Variants in SASH1 observed in about 807,000 individuals in gnomAD.
SASH1 encodes the protein SAM and SH3 domain containing 1.
In SASH1, 44 loss-of-function variants were observed where a neutral mutation model predicts 125.2. The observed-to-expected ratio is 0.35, with a 90% CI of 0.28 to 0.45. The LOEUF is 0.45. SASH1 is among the 20% of genes least tolerant of loss of function. The pLI, the probability that SASH1 is intolerant of heterozygous loss-of-function variation, is 1.00. For missense variants in SASH1, 1,426 were observed against 1,614.5 expected (o/e 0.88, Z 2.00); for synonymous variants, 639 against 649.1 (o/e 0.98, Z 0.24).
Position 148,358,056 on chromosome 6 carries a change from G to A in SASH1, c.156+14833G>A, listed in dbSNP as rs556022324. Among the ~76,000 whole-genome samples, 376 of 61,052 alleles carry A rather than the reference G, an allele frequency of 6.2e-3. 2 individuals are homozygous for A. Among genetic ancestry groups the A allele is most frequent in the African/African-American group, 0.026 (353 of 13,786 alleles). 40.1% of individuals were successfully genotyped at this position (61,052 alleles called of 152,430 possible). On this transcript the variant is annotated intron_variant, in intron 1 of 19. Coordinates refer to ENST00000367467, the MANE Select transcript of SASH1 (RefSeq NM_015278.5). ...GACTGGGCAACAAGAGCAAAACTCCGTCTCAAAAAAAAAAAAAAAAAAAAA... is the reference window on the plus strand; with the variant it reads ...GACTGGGCAACAAGAGCAAAACTCCATCTCAAAAAAAAAAAAAAAAAAAAA...
the SASH1 span, among the ~76,000 whole-genome samples, chr6:148,257,998 C>T: frequency 1.3e-5 from 2 of 152,238 alleles, no homozygotes; most frequent in South Asian, 4.2e-4. Flanking sequence ...ACTTTTATAC[C>T]TGCACTCCCA....
At chr6:148,296,127 TTTG>T (rs10625869) in intron 1 of SASH1, among the ~76,000 whole-genome samples, 25 of 151,388 alleles carry the variant, frequency 1.7e-4, no homozygotes, top group African/African-American at 5.8e-4. Flanking sequence ...TGTTTTTGTT[TTTG>T]TTGTTGTTGT....
At chr6:148,486,766 A>T (rs1213384021) in intron 7 of SASH1, among the ~76,000 whole-genome samples, 1 of 147,652 alleles carries the variant, frequency 6.8e-6, no homozygotes, top group East Asian at 2.0e-4. Flanking sequence ...AAAAAAAAAA[A>T]ATACAAAAAT....
chr6:148,267,396 TGA>T (rs1554227766), upstream of SASH1, among the ~76,000 whole-genome samples: 20 of 140,446 alleles, frequency 1.4e-4, no homozygotes, highest in South Asian at 6.9e-4. Context: ...TGTGTGTGTG[TGA>T]GATGGAGTCT....
At chr6:148,525,510 A>C in intron 11 of SASH1, 145 bp downstream of exon 11, 1 of 686,036 alleles carries the variant, frequency 1.5e-6, no homozygotes, top group East Asian at 2.6e-5. Flanking sequence ...GCTCTATTTC[A>C]CTTGCCTTAC....
chr6:148,443,950 C>T (rs1456710606), intron 4 of SASH1, among the ~76,000 whole-genome samples: 1 of 152,214 alleles, frequency 6.6e-6, no homozygotes, highest in African/African-American at 2.4e-5. Flanking sequence ...GCAAAAGTCT[C>T]TGCCAACCAA....
At position 148,390,705 on chromosome 6, in the gene SASH1, G is replaced by A. The variant is rs191656788; in HGVS notation, c.285+443G>A. On this transcript the variant is annotated intron_variant, in intron 2 of 19. Transcript: ENST00000367467. ...CGGGAGGCTGAGGCAGGAGACTGGC[G>A]TGAACCTGGGTGGCAGAGCTTGCAG... Among the ~76,000 whole-genome samples, 149 of 151,862 alleles carry A rather than the reference G, an allele frequency of 9.8e-4. No homozygotes were observed. The East Asian group carries it at 0.016, about 17-fold the overall frequency.
chr6:148,217,042 C>T, the SASH1 span, among the ~76,000 whole-genome samples: 1 of 152,240 alleles, frequency 6.6e-6, no homozygotes, highest in Non-Finnish European at 1.5e-5. Flanking sequence ...TCTCTCATCT[C>T]TATCAGGAAG....
At chr6:148,320,511 A>G (rs1019487875) in intron 1 of SASH1, among the ~76,000 whole-genome samples, 2 of 152,230 alleles carry the variant, frequency 1.3e-5, no homozygotes, top group African/African-American at 4.8e-5. Context: ...TCCCTGGTAC[A>G]TGGTGCTCTT....
the SASH1 span, among the ~76,000 whole-genome samples, chr6:148,235,155 C>T: frequency 6.6e-6 from 1 of 152,172 alleles, no homozygotes; most frequent in Non-Finnish European, 1.5e-5. Flanking sequence ...ATGGTAATCA[C>T]ATAACCAAAC....
At position 148,432,053 on chromosome 6, in the gene SASH1, G is replaced by A. The variant is rs967347147; in HGVS notation, c.286-8131G>A. 2.0e-5 allele frequency among the ~76,000 whole-genome samples: 3 copies of A among 150,958 alleles called. No homozygotes were observed. In the East Asian group the frequency reaches 5.8e-4, roughly 29 times the overall value. On this transcript the variant is annotated intron_variant, in intron 2 of 19. Coordinates refer to ENST00000367467, the MANE Select transcript of SASH1 (RefSeq NM_015278.5). ...TGCAGTGACGCAATCTCGGCTCACAGCAATGTCTGCCTCCTGGGTTCAAGC... is the reference window on the plus strand; with the variant it reads ...TGCAGTGACGCAATCTCGGCTCACAACAATGTCTGCCTCCTGGGTTCAAGC...
chr6:148,325,531 C>T (rs1447225304), intron 1 of SASH1, among the ~76,000 whole-genome samples: 1 of 152,104 alleles, frequency 6.6e-6, no homozygotes, highest in East Asian at 1.9e-4. Flanking sequence ...GCCTCAGCCT[C>T]CCAAAGTGCT....
intron 1 of SASH1, among the ~76,000 whole-genome samples, chr6:148,371,999 C>A (rs17712470): frequency 0.26 from 39,541 of 151,898 alleles, 5,386 homozygotes; most frequent in Non-Finnish European, 0.31. Flanking sequence ...TCATTTATGA[C>A]CTGGCTATGC....
At chr6:148,542,037 A>G (rs1460733461) in intron 17 of SASH1, among the ~76,000 whole-genome samples, 1 of 152,090 alleles carries the variant, frequency 6.6e-6, no homozygotes, top group African/African-American at 2.4e-5. Context: ...CATATCCAAA[A>G]CTTTTCAGGA....
In SASH1 at chr6:148,526,046, CTTTTTTTTTTTTTT is replaced by C. The variant is rs34023266; in HGVS notation, c.1284+698_1284+711del. On this transcript the variant is annotated intron_variant, in intron 11 of 19. Transcript: ENST00000367467. ...TCAGACCCCAAGGGTGAAGGTGAGT[CTTTTTTTTTTTTTT>C]TTTTTTTTTTTTTTTTAAGATGGAG... 3.0e-4 allele frequency among the ~76,000 whole-genome samples: 16 copies of C among 54,132 alleles called. 1 individual carries two copies. The highest frequency in any genetic ancestry group is 7.9e-4 in the Admixed American group (3 of 3,812). 35.5% of individuals were successfully genotyped at this position (54,132 alleles called of 152,430 possible). A position where few individuals can be genotyped will look rare whatever the true frequency, so the allele number is the denominator to read the frequency against.
chr6:148,282,656 A>G (rs1044468681), intron 1 of SASH1, among the ~76,000 whole-genome samples: 5 of 152,130 alleles, frequency 3.3e-5, no homozygotes, highest in African/African-American at 9.7e-5. Context: ...CTGGGGTTAC[A>G]GACGTGAGCC....
At chr6:148,436,678 T>C (rs1477636907) in intron 2 of SASH1, among the ~76,000 whole-genome samples, 1 of 152,130 alleles carries the variant, frequency 6.6e-6, no homozygotes, top group Non-Finnish European at 1.5e-5. Context: ...TGAGCAAGCT[T>C]TCCAGTGATT....
chr6:148,254,660 A>G, the SASH1 span, among the ~76,000 whole-genome samples: 1 of 152,222 alleles, frequency 6.6e-6, no homozygotes, highest in Non-Finnish European at 1.5e-5. Context: ...GCCATGCCAC[A>G]CTCGATAGGA....
chr6:148,312,180 T>G (rs1392671430), intron 1 of SASH1, among the ~76,000 whole-genome samples: 1 of 152,190 alleles, frequency 6.6e-6, no homozygotes, highest in Admixed American at 6.5e-5. Flanking sequence ...GGGCAGTCTG[T>G]TGGGTGATGG....
Sources: allele counts gnomAD v4.1 joint callset (sites outside exome capture counted in the v4.1 genomes callset), GRCh38; gene constraint gnomAD v4.1.1; transcripts MANE v1.5; gene names NCBI Gene and HGNC (gene_info 2026-07-23, HGNC 2026-07-21).